The following INPP4A variants were observed in gnomAD, a reference collection of about 807,000 sequenced individuals.
INPP4A encodes the protein inositol polyphosphate-4-phosphatase type I A.
Under a neutral mutation model 119.8 loss-of-function variants are expected in INPP4A, and 33 were observed. The ratio of observed to expected loss-of-function variants is 0.28; its 90% confidence interval spans 0.21 to 0.37. The LOEUF (loss-of-function observed/expected upper bound fraction) is 0.37. INPP4A is among the 10% of genes least tolerant of loss of function. INPP4A has a pLI of 1.00. For synonymous variants in INPP4A, 496 were observed against 500.7 expected (o/e 0.99, Z 0.12); for missense variants, 956 against 1,289.9 (o/e 0.74, Z 3.97).
At chr2:98,530,530 G>C (rs1192430954) in intron 4 of INPP4A, among the ~76,000 whole-genome samples, 2 of 152,152 alleles carry the variant, frequency 1.3e-5, no homozygotes, top group African/African-American at 4.8e-5. Context: ...GGTGTTCATA[G>C]GGACTACAGG....
chr2:98,475,295 C>T (rs1295322968), intron 1 of INPP4A, among the ~76,000 whole-genome samples: 1 of 152,122 alleles, frequency 6.6e-6, no homozygotes, highest in Admixed American at 6.5e-5. Flanking sequence ...CTTCATGCTG[C>T]ATTCTGTGTG....
chr2:98,527,812 G>A (rs1007614608), intron 4 of INPP4A, among the ~76,000 whole-genome samples: 7 of 152,142 alleles, frequency 4.6e-5, no homozygotes, highest in African/African-American at 1.4e-4. Flanking sequence ...TCACTTCAGT[G>A]GCCACACATG....
intron 1 of INPP4A, among the ~76,000 whole-genome samples, chr2:98,461,104 C>T (rs891047245): frequency 3.9e-4 from 60 of 152,290 alleles, no homozygotes; most frequent in African/African-American, 1.4e-3. Context: ...CAAAAAGACA[C>T]AGTCAAGCCT....
At chr2:98,462,992 C>T (rs1673910958) in intron 1 of INPP4A, among the ~76,000 whole-genome samples, 1 of 152,138 alleles carries the variant, frequency 6.6e-6, no homozygotes, top group Non-Finnish European at 1.5e-5. Context: ...CAGGTGTGTG[C>T]CATCACATCC....
rs922589599 is a variant in INPP4A, at chr2:98,564,759, C to T, written c.2148C>T (p.Thr716=). ...LLAQFESLLS[T]YGEELAMLED... ...CCCAGTTCGAGAGCCTGCTGAGCAC[C>T]TACGGTGAGGCGCCCGGGCCAGGAT... The change falls in exon 19 of 25, where the codon ACC becomes ACT. Residue 716 remains threonine (T), a synonymous_variant. Coordinates refer to ENST00000409851, the MANE Select transcript of INPP4A (RefSeq NM_001134225.2). The T allele has an allele frequency of 2.2e-5, 35 of 1,588,026 alleles. No individual in the cohort carries two copies. The highest frequency in any genetic ancestry group is 2.8e-5 in the Non-Finnish European group (33 of 1,166,774).
chr2:98,457,350 G>A (rs1019106513), intron 1 of INPP4A, among the ~76,000 whole-genome samples: 2 of 152,206 alleles, frequency 1.3e-5, no homozygotes, highest in African/African-American at 2.4e-5. Context: ...ATGAGCCCAG[G>A]AGTTTGATAC....
intron 1 of INPP4A, among the ~76,000 whole-genome samples, chr2:98,507,983 TG>T (rs1450244581): frequency 6.6e-6 from 1 of 151,624 alleles, no homozygotes; most frequent in African/African-American, 2.4e-5. Context: ...GTTGAGGGGG[TG>T]GGTGGTGAGG....
rs1359678233 is a variant in INPP4A at position 98,546,352 on chromosome 2, C to T, written c.1055-234C>T. Among the ~76,000 whole-genome samples the T allele has an allele frequency of 6.6e-6, 1 of 152,246 alleles. No individual in the cohort carries two copies. The highest frequency in any genetic ancestry group is 2.4e-5 in the African/African-American group (1 of 41,468). On this transcript the variant is annotated intron_variant, in intron 12 of 24. Coordinates refer to ENST00000409851, the MANE Select transcript of INPP4A (RefSeq NM_001134225.2). This position sits in a 1 kb window ranked among gnomAD's most constrained non-coding sequence, Gnocchi z 4.2. ...GATGCAAACGGGAGTTACAGGGTGG[C>T]TTCCTGCAGCCCTTGTGGCTCCACT...
At chr2:98,454,195 T>A (rs1695695860) in intron 1 of INPP4A, among the ~76,000 whole-genome samples, 1 of 152,178 alleles carries the variant, frequency 6.6e-6, no homozygotes, top group Non-Finnish European at 1.5e-5. Flanking sequence ...AGAGAGAGTC[T>A]CCTTGTTTGG....
intron 1 of INPP4A, among the ~76,000 whole-genome samples, chr2:98,487,190 C>T (rs998617135): frequency 6.6e-6 from 1 of 152,184 alleles, no homozygotes; most frequent in Non-Finnish European, 1.5e-5. Context: ...AAAATTGATA[C>T]ATTATTCACC....
chr2:98,481,913 C>T (rs911508257), intron 1 of INPP4A, among the ~76,000 whole-genome samples: 7 of 152,228 alleles, frequency 4.6e-5, no homozygotes, highest in South Asian at 2.1e-4. Context: ...CTTCTCCCTT[C>T]ATTACGAGTT....
chr2:98,456,565 C>T (rs1477234241), intron 1 of INPP4A, among the ~76,000 whole-genome samples: 3 of 152,182 alleles, frequency 2.0e-5, no homozygotes, highest in South Asian at 2.1e-4. Flanking sequence ...TCTTGAACTC[C>T]GGGCATCAAG....
In INPP4A at chr2:98,570,211, C is replaced by G. The variant is rs1434136422; in HGVS notation, c.2518+1543C>G. Among the ~76,000 whole-genome samples the G allele has an allele frequency of 3.3e-5, 5 of 152,124 alleles. No homozygotes were observed. Among genetic ancestry groups the G allele is most frequent in the African/African-American group, 1.2e-4 (5 of 41,428 alleles). On this transcript the variant is annotated intron_variant, in intron 22 of 24. Transcript: ENST00000409851. This position sits in a 1 kb window ranked among gnomAD's most constrained non-coding sequence, Gnocchi z 4.3. ...CTGAGCTGATGACATGGGCAAATGA[C>G]TTGTGGGGAGTGCAGATGTGGAGCC...
At chr2:98,577,354 G>A (rs1698603946) in intron 24 of INPP4A, among the ~76,000 whole-genome samples, 1 of 152,230 alleles carries the variant, frequency 6.6e-6, no homozygotes, top group South Asian at 2.1e-4. Flanking sequence ...GTAACAGCTA[G>A]CAGGACTTTC....
At chr2:98,460,114 T>C (rs970076675) in intron 1 of INPP4A, among the ~76,000 whole-genome samples, 9 of 151,956 alleles carry the variant, frequency 5.9e-5, no homozygotes, top group Non-Finnish European at 1.2e-4. Flanking sequence ...TGTGTGTGTG[T>C]GTGTGTGTGT....
intron 22 of INPP4A, 89 bp from the exon 23 acceptor site, chr2:98,572,726 T>C: frequency 1.3e-6 from 1 of 792,978 alleles, no homozygotes; most frequent in Non-Finnish European, 2.0e-6. Context: ...TACCACTGTG[T>C]GCCCCAGCAG....
At chr2:98,528,702 C>T (rs753033290) in intron 4 of INPP4A, among the ~76,000 whole-genome samples, 9 of 152,168 alleles carry the variant, frequency 5.9e-5, no homozygotes, top group African/African-American at 9.7e-5. Context: ...AGAGTAACAG[C>T]TAATTTCTCA....
At chr2:98,542,855 C>G (rs900537114) in intron 10 of INPP4A, among the ~76,000 whole-genome samples, 8 of 151,794 alleles carry the variant, frequency 5.3e-5, no homozygotes, top group Admixed American at 4.6e-4. Flanking sequence ...CAAGCACACA[C>G]ATAAAGACAA....
intron 1 of INPP4A, among the ~76,000 whole-genome samples, chr2:98,458,367 G>C (rs1459795026): frequency 6.6e-6 from 1 of 151,878 alleles, no homozygotes; most frequent in Non-Finnish European, 1.5e-5. Context: ...TCATCAAATA[G>C]CCCTTTCTCA....
Sources: allele counts gnomAD v4.1 joint callset (sites outside exome capture counted in the v4.1 genomes callset), GRCh38; gene constraint gnomAD v4.1.1; non-coding constraint Gnocchi (gnomAD v3.1); transcripts MANE v1.5; gene names NCBI Gene and HGNC (gene_info 2026-07-23, HGNC 2026-07-21).